The following MYO5B variants were observed in gnomAD, a reference collection of about 807,000 sequenced individuals.
The protein encoded by MYO5B is unconventional myosin-Vb.
Under a neutral mutation model 229.3 loss-of-function variants are expected in MYO5B, and 143 were observed. That is an observed-to-expected ratio of 0.62 (90% CI 0.54 to 0.72). The LOEUF is 0.72. Among genes scored for constraint, MYO5B ranks in the 30% least tolerant of loss-of-function variants. The pLI, the probability that MYO5B is intolerant of heterozygous loss-of-function variation, is 0.00. For missense variants in MYO5B, 2,321 were observed against 2,331.0 expected (o/e 1.00, Z 0.09); for synonymous variants, 918 against 885.2 (o/e 1.04, Z -0.66).
At chr18:50,156,069 C>G (rs2032673669) in intron 1 of MYO5B, among the ~76,000 whole-genome samples, 1 of 152,170 alleles carries the variant, frequency 6.6e-6, no homozygotes, top group African/African-American at 2.4e-5. Flanking sequence ...TGGATTGTTC[C>G]AATTTAAAGT....
intron 22 of MYO5B, among the ~76,000 whole-genome samples, chr18:49,886,760 CGACCGAGAGT>C (rs1482428816): frequency 6.6e-6 from 1 of 152,032 alleles, no homozygotes; most frequent in Non-Finnish European, 1.5e-5. Flanking sequence ...GAAGAAGCAC[CGACCGAGAGT>C]GACGACGTTT....
chr18:49,977,467 G>A (rs995951917), intron 9 of MYO5B, among the ~76,000 whole-genome samples: 7 of 152,058 alleles, frequency 4.6e-5, no homozygotes, highest in Non-Finnish European at 7.4e-5. Flanking sequence ...ATGTGCCCGA[G>A]GAATAAACCA....
At chr18:50,153,781 A>T (rs144277241) in intron 1 of MYO5B, among the ~76,000 whole-genome samples, 1 of 151,848 alleles carries the variant, frequency 6.6e-6, no homozygotes, top group South Asian at 2.1e-4. Flanking sequence ...AATCAACTCT[A>T]CCCTTGAGTG....
At chr18:49,871,246 A>G (rs2024452938) in intron 27 of MYO5B, among the ~76,000 whole-genome samples, 1 of 152,212 alleles carries the variant, frequency 6.6e-6, no homozygotes, top group South Asian at 2.1e-4. Context: ...GAAAGACAGA[A>G]AGTACAATTG....
intron 1 of MYO5B, among the ~76,000 whole-genome samples, chr18:50,172,475 C>T (rs1257767305): frequency 6.6e-6 from 1 of 152,120 alleles, no homozygotes; most frequent in Admixed American, 6.5e-5. Context: ...TTTTGTTATA[C>T]ATGGAATTGG....
At chr18:50,134,915 CAA>C (rs2032313034) in intron 1 of MYO5B, among the ~76,000 whole-genome samples, 2 of 152,164 alleles carry the variant, frequency 1.3e-5, no homozygotes, top group South Asian at 4.1e-4. Context: ...TCTGTCTTTG[CAA>C]GAGATAAAAC....
chr18:50,055,767 C>G (rs2030533695), intron 1 of MYO5B, among the ~76,000 whole-genome samples: 1 of 151,818 alleles, frequency 6.6e-6, no homozygotes, highest in South Asian at 2.1e-4. Flanking sequence ...AAAGCCAAGA[C>G]AGTATAGCAA....
chr18:49,836,365 G>A (rs764438611), intron 38 of MYO5B, among the ~76,000 whole-genome samples: 1 of 152,164 alleles, frequency 6.6e-6, no homozygotes, highest in Non-Finnish European at 1.5e-5. Flanking sequence ...GCCAATTTCT[G>A]AAAATTTGTG....
At chr18:50,190,027 C>G (rs1402138463) in intron 1 of MYO5B, among the ~76,000 whole-genome samples, 1 of 152,090 alleles carries the variant, frequency 6.6e-6, no homozygotes, top group Non-Finnish European at 1.5e-5. Context: ...AATTAGAAGC[C>G]AAGCAGGAAA....
chr18:50,161,214 C>T (rs2032759846), intron 1 of MYO5B, among the ~76,000 whole-genome samples: 1 of 152,138 alleles, frequency 6.6e-6, no homozygotes, highest in Non-Finnish European at 1.5e-5. Flanking sequence ...TGAATCTCCA[C>T]CTCTGCTAAA....
chr18:50,089,785 C>G (rs2031408173), intron 1 of MYO5B, among the ~76,000 whole-genome samples: 1 of 152,208 alleles, frequency 6.6e-6, no homozygotes, highest in Admixed American at 6.5e-5. Flanking sequence ...TTGATACCCA[C>G]CCAACAAGGC....
intron 1 of MYO5B, among the ~76,000 whole-genome samples, chr18:50,058,012 T>C (rs553033923): frequency 6.6e-6 from 1 of 152,230 alleles, no homozygotes; most frequent in Middle Eastern, 3.4e-3. Flanking sequence ...GCCCATGAGT[T>C]AAGAATGGTT....
At chr18:50,054,483 G>A (rs1355179138) in intron 2 of MYO5B, among the ~76,000 whole-genome samples, 1 of 152,134 alleles carries the variant, frequency 6.6e-6, no homozygotes, top group African/African-American at 2.4e-5. Flanking sequence ...GAAACAGCAG[G>A]GCCACAACCG....
At chr18:50,126,857 T>C (rs1450307243) in intron 1 of MYO5B, among the ~76,000 whole-genome samples, 1 of 152,234 alleles carries the variant, frequency 6.6e-6, no homozygotes, top group African/African-American at 2.4e-5. Context: ...TTGGGCAAGT[T>C]ACTAGATCTC....
intron 1 of MYO5B, among the ~76,000 whole-genome samples, chr18:50,096,046 C>T (rs779579648): frequency 2.0e-5 from 3 of 152,242 alleles, no homozygotes; most frequent in Admixed American, 6.5e-5. Context: ...CTCAGAACTT[C>T]GAAGAAAACT....
chr18:50,043,152 A>T (rs982236964), intron 2 of MYO5B, among the ~76,000 whole-genome samples: 2 of 149,778 alleles, frequency 1.3e-5, no homozygotes, highest in Non-Finnish European at 3.0e-5. Flanking sequence ...TAGCAGCACA[A>T]TTCACAATTC....
chr18:49,876,595 AGAAC>A (rs1321526219), intron 25 of MYO5B, among the ~76,000 whole-genome samples: 2 of 152,224 alleles, frequency 1.3e-5, no homozygotes, highest in Non-Finnish European at 1.5e-5. Context: ...GCTTCCTTAA[AGAAC>A]ATAAAACCAG....
chr18:50,026,305 CTGT>C (rs2026330145), intron 4 of MYO5B, among the ~76,000 whole-genome samples: 1 of 152,270 alleles, frequency 6.6e-6, no homozygotes, highest in Admixed American at 6.5e-5. Flanking sequence ...TTTACAGTGT[CTGT>C]AAACTGTAAA....
chr18:50,149,435 T>C (rs1288964237), intron 1 of MYO5B, among the ~76,000 whole-genome samples: 3 of 152,010 alleles, frequency 2.0e-5, no homozygotes, highest in South Asian at 2.1e-4. Context: ...CTTCAAACTA[T>C]ACTACAAGGC....
Sources: gnomAD v4.1 joint callset for allele counts (sites outside exome capture counted in the v4.1 genomes callset) on GRCh38, gnomAD v4.1.1 for gene constraint, MANE v1.5 for transcripts, NCBI Gene and HGNC (gene_info 2026-07-23, HGNC 2026-07-21) for gene names.